Variants in GLMN observed in about 807,000 individuals in gnomAD.
The protein encoded by GLMN is glomulin.
A neutral mutation model predicts 87.8 loss-of-function variants in GLMN; 75 were observed. The ratio of observed to expected loss-of-function variants is 0.85; its 90% CI spans 0.71 to 1.04. GLMN has a LOEUF of 1.04. Ranked by LOEUF, GLMN falls within the 50% of genes least tolerant of loss-of-function variation. GLMN has a pLI of 0.00. For synonymous variants in GLMN, 206 were observed against 221.6 expected (o/e 0.93, Z 0.63); for missense variants, 588 against 658.8 (o/e 0.89, Z 1.18).
chr1:92,305,915 T>A, the GLMN span, among the ~76,000 whole-genome samples: 2 of 152,210 alleles, frequency 1.3e-5, no homozygotes, highest in Non-Finnish European at 2.9e-5. Flanking sequence ...TTCTCTATAA[T>A]TAAGCCTTTC....
At chr1:92,286,958 T>C (rs1448621297) in intron 6 of GLMN, among the ~76,000 whole-genome samples, 2 of 152,240 alleles carry the variant, frequency 1.3e-5, no homozygotes, top group African/African-American at 4.8e-5. Flanking sequence ...TTTCTGTTCA[T>C]TATAAATCAC....
the GLMN span, among the ~76,000 whole-genome samples, chr1:92,337,141 C>T: frequency 1.3e-5 from 2 of 152,054 alleles, no homozygotes; most frequent in Admixed American, 1.3e-4. Flanking sequence ...GCTGATGTTG[C>T]ACTGACACAG....
chr1:92,351,630 G>T, the GLMN span, among the ~76,000 whole-genome samples: 2 of 152,074 alleles, frequency 1.3e-5, no homozygotes, highest in African/African-American at 4.8e-5. Context: ...GTATATTTGA[G>T]CCTGTAACAC....
At chr1:92,302,297 T>C (rs1381816162), upstream of GLMN, among the ~76,000 whole-genome samples, 8 of 85,104 alleles carry the variant, frequency 9.4e-5, no homozygotes, top group Admixed American at 5.7e-4. Flanking sequence ...ATATAAATAA[T>C]AAATGGGAAA....
chr1:92,249,999 CTTTT>C (rs1014264186), intron 16 of GLMN, among the ~76,000 whole-genome samples: 1 of 147,756 alleles, frequency 6.8e-6, no homozygotes, highest in Admixed American at 6.8e-5. Flanking sequence ...TGCCCCCCAA[CTTTT>C]TTTTTTTCTT....
the GLMN span, among the ~76,000 whole-genome samples, chr1:92,326,626 C>T: frequency 1.3e-5 from 2 of 152,120 alleles, no homozygotes; most frequent in Non-Finnish European, 2.9e-5. Flanking sequence ...TTGGGCAGGG[C>T]TTGCTGTGGC....
At chr1:92,254,965 A>G (rs571175491) in intron 16 of GLMN, among the ~76,000 whole-genome samples, 77 of 152,316 alleles carry the variant, frequency 5.1e-4, no homozygotes, top group African/African-American at 1.8e-3. Flanking sequence ...AGACTGGCAA[A>G]TTGAATAAAG....
At chr1:92,302,696 T>G (rs543763576), upstream of GLMN, among the ~76,000 whole-genome samples, 380 of 136,662 alleles carry the variant, frequency 2.8e-3, 3 homozygotes, top group South Asian at 0.011. Context: ...CCGCCTCCCG[T>G]GTTCACGCCA....
chr1:92,300,258 C>T (rs772755605), upstream of GLMN: 18 of 1,586,238 alleles, frequency 1.1e-5, no homozygotes, highest in Middle Eastern at 1.7e-4. Context: ...GCTACATGGA[C>T]AACTACATTG....
the GLMN span, among the ~76,000 whole-genome samples, chr1:92,346,096 T>C: frequency 8.5e-5 from 13 of 152,140 alleles, no homozygotes; most frequent in Non-Finnish European, 2.9e-5. Flanking sequence ...GTAATTATTC[T>C]CTATATTTTT....
intron 6 of GLMN, among the ~76,000 whole-genome samples, chr1:92,287,128 T>C (rs1335185865): frequency 6.6e-6 from 1 of 152,180 alleles, no homozygotes; most frequent in Non-Finnish European, 1.5e-5. Flanking sequence ...GACTTCTACA[T>C]CTGAACTATT....
intron 16 of GLMN, among the ~76,000 whole-genome samples, chr1:92,256,369 T>C (rs1057291045): frequency 6.6e-6 from 1 of 151,626 alleles, no homozygotes; most frequent in African/African-American, 2.4e-5. Context: ...TTCCAAACAA[T>C]AGAAAAAGAG....
At chr1:92,363,373 C>T in the GLMN span, among the ~76,000 whole-genome samples, 1 of 152,148 alleles carries the variant, frequency 6.6e-6, no homozygotes, top group Non-Finnish European at 1.5e-5. Flanking sequence ...GTGATCATGG[C>T]ACAGGCAGAT....
At chr1:92,290,916 C>T (rs1649330795) in intron 4 of GLMN, among the ~76,000 whole-genome samples, 1 of 152,172 alleles carries the variant, frequency 6.6e-6, no homozygotes, top group African/African-American at 2.4e-5. Flanking sequence ...TACCCAGGGT[C>T]GCTTTCTAAG....
Position 92,256,020 on chromosome 1 carries a change from TAAAG to T in GLMN, c.1473+6839_1473+6842del, listed in dbSNP as rs764738939. Among the ~76,000 whole-genome samples, 49 of 149,042 alleles carry T rather than the reference TAAAG, an allele frequency of 3.3e-4. No individual in the cohort carries two copies. In the East Asian group the frequency reaches 4.4e-3, roughly 13 times the overall value. On this transcript the variant is annotated intron_variant, in intron 16 of 18. Transcript: ENST00000370360. Reference sequence around the variant, plus strand: ...CAAAACAGACCACTAGCCAGACTAATAAAGAGAGAAGAATCAAATAGACACAATA... The same window carrying T: ...CAAAACAGACCACTAGCCAGACTAATAGAGAAGAATCAAATAGACACAATA...
At chr1:92,355,012 C>T in the GLMN span, among the ~76,000 whole-genome samples, 1 of 151,726 alleles carries the variant, frequency 6.6e-6, no homozygotes, top group Non-Finnish European at 1.5e-5. Flanking sequence ...AATCGTCCCA[C>T]CTCAACCTCC....
chr1:92,351,625 T>G, the GLMN span, among the ~76,000 whole-genome samples: 1 of 152,162 alleles, frequency 6.6e-6, no homozygotes, highest in African/African-American at 2.4e-5. Context: ...TGTCAGTATA[T>G]TTGAGCCTGT....
At chr1:92,263,861 C>T (rs1394841832) in intron 14 of GLMN, 129 bp from the exon 15 acceptor site, 1 of 679,544 alleles carries the variant, frequency 1.5e-6, no homozygotes, top group East Asian at 2.7e-5. Context: ...AATTTCCGTA[C>T]TTTCATTCAC....
chr1:92,307,043 C>T, the GLMN span: 1 of 605,054 alleles, frequency 1.7e-6, no homozygotes, highest in Non-Finnish European at 2.9e-6. Flanking sequence ...TTCAAAGGTT[C>T]AGTATCTTAT....
Sources: gnomAD v4.1 joint callset for allele counts (sites outside exome capture counted in the v4.1 genomes callset) on GRCh38, gnomAD v4.1.1 for gene constraint, MANE v1.5 for transcripts, NCBI Gene and HGNC (gene_info 2026-07-23, HGNC 2026-07-21) for gene names.